NRXN1: variants seen among roughly 807,000 people sequenced by gnomAD.
NRXN1 encodes neurexin-1.
A neutral mutation model predicts 150.9 loss-of-function variants in NRXN1; 39 were observed. The observed-to-expected ratio is 0.26, with a 90% CI of 0.20 to 0.34. The LOEUF (loss-of-function observed/expected upper bound fraction) is 0.34, where lower values mean the gene tolerates loss of function less well. Among genes scored for constraint, NRXN1 ranks in the 10% least tolerant of loss-of-function variants. The pLI, the probability that NRXN1 is intolerant of heterozygous loss-of-function variation, is 1.00. For synonymous variants in NRXN1, 924 were observed against 757.0 expected (o/e 1.22, Z -3.62); for missense variants, 1,815 against 1,949.9 (o/e 0.93, Z 1.30).
At chr2:50,576,011 A>G (rs1265827945) in intron 8 of NRXN1, among the ~76,000 whole-genome samples, 2 of 152,196 alleles carry the variant, frequency 1.3e-5, no homozygotes, top group African/African-American at 4.8e-5. Flanking sequence ...ATATTTATTT[A>G]TAAAAACATG....
At chr2:50,855,038 G>T (rs1574716846) in intron 5 of NRXN1, among the ~76,000 whole-genome samples, 1 of 152,058 alleles carries the variant, frequency 6.6e-6, no homozygotes, top group Admixed American at 6.6e-5. Context: ...TCTTATATTG[G>T]AGTACCTTCT....
intron 18 of NRXN1, among the ~76,000 whole-genome samples, chr2:50,231,714 A>G (rs1236011839): frequency 3.3e-5 from 5 of 152,100 alleles, no homozygotes; most frequent in Non-Finnish European, 7.4e-5. Flanking sequence ...GCACATGTTA[A>G]TATTTGTGGT....
intron 18 of NRXN1, among the ~76,000 whole-genome samples, chr2:50,177,236 T>C (rs1005042328): frequency 1.6e-4 from 25 of 152,116 alleles, no homozygotes; most frequent in Non-Finnish European, 3.1e-4. Context: ...AGGTAATTTT[T>C]CAACTCTCAT....
intron 5 of NRXN1, among the ~76,000 whole-genome samples, chr2:50,643,554 T>C (rs937753715): frequency 8.6e-5 from 13 of 151,942 alleles, no homozygotes; most frequent in African/African-American, 3.1e-4. Flanking sequence ...TTCTATAACA[T>C]TGTAATGCAT....
At chr2:50,896,673 G>C (rs1304346161) in intron 5 of NRXN1, among the ~76,000 whole-genome samples, 1 of 151,832 alleles carries the variant, frequency 6.6e-6, no homozygotes, top group Non-Finnish European at 1.5e-5. Context: ...ATGGCGAAAC[G>C]CTGTCTCTAC....
At chr2:50,008,874 C>T (rs1395247445) in intron 21 of NRXN1, among the ~76,000 whole-genome samples, 1 of 152,042 alleles carries the variant, frequency 6.6e-6, no homozygotes, top group Non-Finnish European at 1.5e-5. Context: ...GCCATAATGT[C>T]ACTAGGGGGT....
At chr2:50,982,023 A>G (rs953957555) in intron 2 of NRXN1, among the ~76,000 whole-genome samples, 3 of 152,122 alleles carry the variant, frequency 2.0e-5, no homozygotes, top group South Asian at 2.1e-4. Context: ...CTGAAATCCA[A>G]AAGAACATCT....
chr2:50,373,027 G>C (rs883027), intron 17 of NRXN1, among the ~76,000 whole-genome samples: 89,547 of 151,836 alleles, frequency 0.59, 29,591 homozygotes, highest in East Asian at 0.92. Flanking sequence ...CCTTATAAAA[G>C]ACATTGAGCA....
chr2:50,166,313 GTGTGTGTGTGTT>G (rs1283194805), intron 18 of NRXN1, among the ~76,000 whole-genome samples: 31 of 144,686 alleles, frequency 2.1e-4, no homozygotes, highest in Non-Finnish European at 3.5e-4. Flanking sequence ...GTGTGTGTGT[GTGTGTGTGTGTT>G]TGTGTGTGTG....
At chr2:50,461,530 A>C (rs1203608962) in intron 17 of NRXN1, among the ~76,000 whole-genome samples, 1 of 152,014 alleles carries the variant, frequency 6.6e-6, no homozygotes, top group East Asian at 1.9e-4. Context: ...ACTGGGTAAA[A>C]GGAGAAAAGG....
intron 5 of NRXN1, among the ~76,000 whole-genome samples, chr2:50,735,438 C>T (rs1317734757): frequency 6.6e-6 from 1 of 152,002 alleles, no homozygotes; most frequent in African/African-American, 2.4e-5. Flanking sequence ...AAGAGAGGCA[C>T]ACAATTTACA....
chr2:51,017,490 C>T (rs896930052), intron 2 of NRXN1, among the ~76,000 whole-genome samples: 3 of 135,662 alleles, frequency 2.2e-5, no homozygotes, highest in South Asian at 2.4e-4. Flanking sequence ...ACACGTATGG[C>T]CACCACATCT....
At chr2:50,216,132 G>A (rs1445560122) in intron 18 of NRXN1, among the ~76,000 whole-genome samples, 1 of 151,952 alleles carries the variant, frequency 6.6e-6, no homozygotes, top group Non-Finnish European at 1.5e-5. Context: ...GAGGCAGGAA[G>A]AATGCTGGAT....
chr2:50,075,345 G>C (rs10469916), intron 19 of NRXN1, among the ~76,000 whole-genome samples: 2 of 151,914 alleles, frequency 1.3e-5, no homozygotes, highest in Non-Finnish European at 1.5e-5. Context: ...AAATAATGGA[G>C]ACTGGGGAGG....
chr2:50,235,525 A>C (rs1263270922), intron 18 of NRXN1, among the ~76,000 whole-genome samples: 1 of 152,144 alleles, frequency 6.6e-6, no homozygotes, highest in Non-Finnish European at 1.5e-5. Context: ...CCAGAATTCT[A>C]AGGCAAAATT....
At chr2:50,144,065 A>T (rs1707666167) in intron 18 of NRXN1, among the ~76,000 whole-genome samples, 1 of 151,936 alleles carries the variant, frequency 6.6e-6, no homozygotes, top group African/African-American at 2.4e-5. Context: ...GAAATAAATT[A>T]TTCACTATCA....
chr2:50,485,190 C>T (rs1018438286), intron 15 of NRXN1, among the ~76,000 whole-genome samples: 3 of 152,162 alleles, frequency 2.0e-5, no homozygotes, highest in Non-Finnish European at 4.4e-5. Flanking sequence ...AATTGAATTT[C>T]TGACTGAAGT....
At chr2:51,007,229 T>C (rs940590001) in intron 2 of NRXN1, among the ~76,000 whole-genome samples, 3 of 151,930 alleles carry the variant, frequency 2.0e-5, no homozygotes, top group Admixed American at 2.0e-4. Flanking sequence ...TATCAGAAGA[T>C]TAATGAGCAT....
At chr2:50,327,110 G>T (rs769836553) in intron 17 of NRXN1, among the ~76,000 whole-genome samples, 4 of 152,030 alleles carry the variant, frequency 2.6e-5, no homozygotes, top group Non-Finnish European at 5.9e-5. Context: ...ATGCTTATAG[G>T]TATAATAGCC....
Sources: allele counts gnomAD v4.1 joint callset (sites outside exome capture counted in the v4.1 genomes callset), GRCh38; gene constraint gnomAD v4.1.1; transcripts MANE v1.5; gene names NCBI Gene and HGNC (gene_info 2026-07-23, HGNC 2026-07-21).